Variants in ZNF131 observed in about 807,000 individuals in gnomAD.
The protein encoded by ZNF131 is zinc finger and BTB domain containing 35, also known as zinc finger protein 131.
In ZNF131, 7 loss-of-function variants were observed where a neutral mutation model predicts 60.0. The observed-to-expected ratio is 0.12, with a 90% CI of 0.07 to 0.22. ZNF131 has a LOEUF of 0.22. Among genes scored for constraint, ZNF131 ranks in the 10% least tolerant of loss-of-function variants. The probability of loss-of-function intolerance (pLI) is 1.00; values close to 1 mark genes in which losing one functional copy is unlikely to be tolerated. For synonymous variants in ZNF131, 257 were observed against 253.2 expected (o/e 1.01, Z -0.14); for missense variants, 493 against 740.9 (o/e 0.67, Z 3.88).
intron 4 of ZNF131, among the ~76,000 whole-genome samples, chr5:43,142,167 C>G (rs1334736959): frequency 6.6e-6 from 1 of 151,678 alleles, no homozygotes; most frequent in South Asian, 2.1e-4. Flanking sequence ...CGGTGAAACC[C>G]CATCTCTACT....
intron 3 of ZNF131, among the ~76,000 whole-genome samples, chr5:43,127,663 T>G (rs1015642503): frequency 6.6e-6 from 1 of 151,400 alleles, no homozygotes; most frequent in Non-Finnish European, 1.5e-5. Flanking sequence ...GTTTTCTGTG[T>G]TCCTGGTTAA....
chr5:43,123,814 G>A (rs1744171330), intron 3 of ZNF131: 1 of 152,498 alleles, frequency 6.6e-6, no homozygotes, highest in Non-Finnish European at 1.5e-5. Flanking sequence ...GTAGCATTTA[G>A]AGGAAATTCT....
Position 43,161,616 on chromosome 5 carries a change from A to AC in ZNF131, c.739_740insC (p.Ile247ThrfsTer2), listed in dbSNP as rs1561437118. On this transcript the variant is annotated frameshift_variant, in exon 5 of 7. Transcript: ENST00000682664. LOFTEE classifies it high-confidence loss of function. ...CCCCACGAGCAAACAGGTAGAAGGTATTGAAATTGTGGAACTTCAGCTGTC... is the reference window on the plus strand; with the variant it reads ...CCCCACGAGCAAACAGGTAGAAGGTACTTGAAATTGTGGAACTTCAGCTGTC... 19 of 1,614,108 alleles carry AC rather than the reference A, an allele frequency of 1.2e-5. No individual in the cohort carries two copies. Among genetic ancestry groups the AC allele is most frequent in the Non-Finnish European group, 1.6e-5 (19 of 1,180,032 alleles).
At chr5:43,162,515 C>T (rs1221019664) in intron 5 of ZNF131, among the ~76,000 whole-genome samples, 3 of 151,154 alleles carry the variant, frequency 2.0e-5, no homozygotes, top group Non-Finnish European at 4.4e-5. Context: ...TTGCTTGAAC[C>T]CGGGAGGCAG....
chr5:43,157,156 A>G (rs971055767), intron 4 of ZNF131, among the ~76,000 whole-genome samples: 6 of 152,176 alleles, frequency 3.9e-5, no homozygotes, highest in African/African-American at 1.4e-4. Flanking sequence ...ATAGAAGCCA[A>G]GACTGACTGC....
At chr5:43,152,068 T>G (rs758491599) in intron 4 of ZNF131, among the ~76,000 whole-genome samples, 3 of 151,846 alleles carry the variant, frequency 2.0e-5, no homozygotes, top group Non-Finnish European at 4.4e-5. Context: ...TGCAGTGACA[T>G]GATCTTGGCT....
chr5:43,145,548 A>G (rs1021864502), intron 4 of ZNF131, among the ~76,000 whole-genome samples: 1 of 152,026 alleles, frequency 6.6e-6, no homozygotes, highest in Non-Finnish European at 1.5e-5. Context: ...CAGTTTTCAC[A>G]AGGCTGAGGC....
Position 43,175,012 on chromosome 5 carries a change from C to G in ZNF131, c.1751C>G (p.Ala584Gly). Residue 584 changes from alanine (A) to glycine (G), a missense_variant, in exon 7 of 7, where the codon GCT (alanine) becomes GGT (glycine). By Grantham distance (60) the Ala-to-Gly change is moderately conservative (BLOSUM62 0). Around this residue, in one of 7 missense-constraint regions of ZNF131, gnomAD observed 202 missense variants for 221.3 expected, o/e 0.91. Coordinates refer to ENST00000682664, the MANE Select transcript of ZNF131 (RefSeq NM_001330707.2). ...QEERESSQAD[A>G]AEAAREDHED... ...GAGAGAGAGTCTAGCCAAGCAGATG[C>G]TGCTGAGGCTGCCAGGGAAGATCAC... The G allele has an allele frequency of 6.2e-7, 1 of 1,614,124 alleles. No homozygotes were observed. The highest frequency in any genetic ancestry group is 8.5e-7 in the Non-Finnish European group (1 of 1,180,026).
At chr5:43,125,434 C>T (rs1473181928) in intron 3 of ZNF131, among the ~76,000 whole-genome samples, 1 of 150,796 alleles carries the variant, frequency 6.6e-6, no homozygotes, top group African/African-American at 2.4e-5. Context: ...GCTGGGATTA[C>T]AGGCGTGAGA....
intron 3 of ZNF131, among the ~76,000 whole-genome samples, chr5:43,132,020 G>A (rs1231612726): frequency 6.6e-6 from 1 of 152,168 alleles, no homozygotes; most frequent in African/African-American, 2.4e-5. Context: ...AGAATTAAGT[G>A]AGTTAATGCT....
At position 43,120,992 on chromosome 5, in the gene ZNF131, A is replaced by C. The variant is rs546884276; in HGVS notation, c.-147A>C. 1.3e-5 allele frequency: 2 copies of C among 152,324 alleles called. No homozygotes were observed. The highest frequency in any genetic ancestry group is 2.9e-5 in the Non-Finnish European group (2 of 68,026). The allele number at this position is 152,324 out of a possible 1,614,324, so 9.4% of individuals were successfully genotyped here. ...GAGCAGAAGGGGAGCCCCGGCTCTCACGAAGAAAATGGAGGGCGACCCACG... is the reference window on the plus strand; with the variant it reads ...GAGCAGAAGGGGAGCCCCGGCTCTCCCGAAGAAAATGGAGGGCGACCCACG... On this transcript the variant is annotated 5_prime_UTR_variant, in exon 1 of 7. Transcript: ENST00000682664.
chr5:43,125,137 A>C (rs1744363528), intron 3 of ZNF131: 1 of 152,142 alleles, frequency 6.6e-6, no homozygotes, highest in Non-Finnish European at 1.5e-5. Context: ...TCCCTTAAAG[A>C]AGTCGGAAAA....
intron 5 of ZNF131, among the ~76,000 whole-genome samples, chr5:43,168,405 T>C (rs933490161): frequency 4.6e-5 from 7 of 152,110 alleles, no homozygotes; most frequent in African/African-American, 1.7e-4. Flanking sequence ...TCACTGTTAA[T>C]AGGGCATTAT....
chr5:43,122,519 C>T (rs1743999237), intron 2 of ZNF131, among the ~76,000 whole-genome samples: 3 of 152,144 alleles, frequency 2.0e-5, no homozygotes, highest in African/African-American at 4.8e-5. Flanking sequence ...TGAGAAGTCC[C>T]TTACAGGAGT....
At chr5:43,143,301 A>G in intron 4 of ZNF131, 18 of 1,083,374 alleles carry the variant, frequency 1.7e-5, no homozygotes, top group Non-Finnish European at 2.1e-5. Context: ...GATTACAAGC[A>G]CGAGTCACTG....
intron 3 of ZNF131, among the ~76,000 whole-genome samples, chr5:43,128,058 A>G (rs1272951746): frequency 6.6e-6 from 1 of 152,206 alleles, no homozygotes; most frequent in Non-Finnish European, 1.5e-5. Flanking sequence ...TAATGCCACA[A>G]TGCTGCTCCC....
rs1480063663 is a variant in ZNF131, at chr5:43,174,647, A to G, written c.1386A>G (p.Gln462=). 6.2e-7 allele frequency: 1 copy of G among 1,614,222 alleles called. No individual in the cohort carries two copies. Among genetic ancestry groups the G allele is most frequent in the Admixed American group, 1.7e-5 (1 of 60,028 alleles). Residue 462 remains glutamine (Q), a synonymous_variant, in exon 7 of 7, where the codon CAA becomes CAG. Transcript: ENST00000682664. ...TTCTTTCAGTAGAAACACGTGTGCA[A>G]ACTGAACCTGTAACATCAATGACTA... ...EEVLSVETRV[Q]TEPVTSMTII... is the part of the protein sequence containing the mutation.
intron 4 of ZNF131, among the ~76,000 whole-genome samples, chr5:43,159,748 C>G (rs1749411930): frequency 6.7e-6 from 1 of 149,694 alleles, no homozygotes; most frequent in African/African-American, 2.5e-5. Context: ...ATGTTTGCAA[C>G]TATTTTCTTC....
chr5:43,128,769 G>C (rs955689354), intron 3 of ZNF131, among the ~76,000 whole-genome samples: 1 of 150,388 alleles, frequency 6.6e-6, no homozygotes, highest in African/African-American at 2.4e-5. Flanking sequence ...CTTTCTTTTT[G>C]GAGACAGGGT....
Sources: allele counts gnomAD v4.1 joint callset (sites outside exome capture counted in the v4.1 genomes callset), GRCh38; gene constraint gnomAD v4.1.1; regional missense constraint gnomAD v4.1.1; transcripts MANE v1.5; gene names NCBI Gene and HGNC (gene_info 2026-07-23, HGNC 2026-07-21).